Variants in CDH13 observed in about 807,000 individuals in gnomAD.
The protein encoded by CDH13 is cadherin-13.
Under a neutral mutation model 63.8 loss-of-function variants are expected in CDH13, and 24 were observed. The observed-to-expected ratio is 0.38, with a 90% CI of 0.27 to 0.53. The LOEUF (loss-of-function observed/expected upper bound fraction) is 0.53. Ranked by LOEUF, CDH13 falls within the 20% of genes least tolerant of loss-of-function variation. The pLI is 0.85. For missense variants in CDH13, 1,049 were observed against 903.1 expected, an observed-to-expected ratio of 1.16 and a Z score of -2.07; for synonymous variants, 503 against 355.3, an observed-to-expected ratio of 1.42 and a Z score of -4.67.
rs1319332584 is a variant in CDH13, at chr16:83,798,096, G to T, written c.*3066G>T. On this transcript the variant is annotated 3_prime_UTR_variant, in exon 14 of 14. Transcript: ENST00000567109. ...AAGACTTTGGCTCTTAAAGAACATC[G>T]TTAGAAATTTTGATAGCTCATTCCA... 2 of 152,126 alleles carry T rather than the reference G, an allele frequency of 1.3e-5. No individual in the cohort carries two copies. Among genetic ancestry groups the T allele is most frequent in the African/African-American group, 4.8e-5 (2 of 41,420 alleles). 9.4% of individuals were successfully genotyped at this position (152,126 alleles called of 1,614,324 possible). A position where few individuals can be genotyped will look rare whatever the true frequency, so the allele number is the denominator to read the frequency against.
At chr16:82,808,013 G>C (rs754083131) in intron 1 of CDH13, among the ~76,000 whole-genome samples, 20 of 152,152 alleles carry the variant, frequency 1.3e-4, no homozygotes, top group Non-Finnish European at 2.2e-4. Context: ...CTCCAGCGCA[G>C]TTCTTACTGA....
At chr16:82,943,535 C>A (rs530002195) in intron 2 of CDH13, among the ~76,000 whole-genome samples, 5 of 152,262 alleles carry the variant, frequency 3.3e-5, no homozygotes, top group African/African-American at 1.2e-4. Flanking sequence ...GAAATAGGCC[C>A]TTTCTTCCTT....
At chr16:83,323,437 C>T (rs1360923188) in intron 5 of CDH13, among the ~76,000 whole-genome samples, 2 of 151,138 alleles carry the variant, frequency 1.3e-5, no homozygotes, top group Non-Finnish European at 2.9e-5. Context: ...CCTGCCACCA[C>T]ATCCGGCTAA....
intron 2 of CDH13, among the ~76,000 whole-genome samples, chr16:82,945,577 T>C (rs1035791090): frequency 6.6e-6 from 1 of 152,198 alleles, no homozygotes; most frequent in Non-Finnish European, 1.5e-5. Context: ...TCAAGGATTT[T>C]GTGTTTTTTT....
chr16:82,882,171 A>G (rs2151205958), intron 2 of CDH13, among the ~76,000 whole-genome samples: 1 of 152,266 alleles, frequency 6.6e-6, no homozygotes, highest in East Asian at 1.9e-4. Flanking sequence ...TCTTTTTATG[A>G]GTTACTGCCA....
At chr16:82,734,565 C>T (rs1244284227) in intron 1 of CDH13, among the ~76,000 whole-genome samples, 2 of 152,164 alleles carry the variant, frequency 1.3e-5, no homozygotes, top group African/African-American at 4.8e-5. Flanking sequence ...CTTTGTGATA[C>T]ATCCACTGTC....
chr16:82,790,953 GC>G (rs1408575567), intron 1 of CDH13, among the ~76,000 whole-genome samples: 1 of 152,176 alleles, frequency 6.6e-6, no homozygotes, highest in Admixed American at 6.5e-5. Context: ...GAATTCCTAA[GC>G]CAGCTGTGCC....
intron 4 of CDH13, among the ~76,000 whole-genome samples, chr16:83,159,265 C>G (rs966441015): frequency 1.3e-5 from 2 of 152,150 alleles, no homozygotes; most frequent in Admixed American, 6.5e-5. Flanking sequence ...TCCTGTGACT[C>G]TAGTTGAGTT....
intron 6 of CDH13, among the ~76,000 whole-genome samples, chr16:83,407,844 AC>A (rs1323371231): frequency 6.6e-6 from 1 of 152,208 alleles, no homozygotes; most frequent in Non-Finnish European, 1.5e-5. Flanking sequence ...TAATTGACTT[AC>A]AAATGCGTAA....
At chr16:82,915,843 G>A (rs1304074616) in intron 2 of CDH13, among the ~76,000 whole-genome samples, 1 of 148,756 alleles carries the variant, frequency 6.7e-6, no homozygotes, top group African/African-American at 2.5e-5. Context: ...TGCATTTTTT[G>A]GCATACTAGA....
chr16:82,995,226 T>G (rs1912070407), intron 2 of CDH13, among the ~76,000 whole-genome samples: 1 of 152,206 alleles, frequency 6.6e-6, no homozygotes, highest in Non-Finnish European at 1.5e-5. Context: ...GAACTCATAG[T>G]GAATCTCGCT....
At chr16:83,603,397 G>A (rs1248156941) in intron 8 of CDH13, among the ~76,000 whole-genome samples, 1 of 152,194 alleles carries the variant, frequency 6.6e-6, no homozygotes, top group East Asian at 1.9e-4. Context: ...CCTGAGATCT[G>A]TTGCCTGATT....
chr16:83,435,008 TAC>T (rs1025318658), intron 6 of CDH13, among the ~76,000 whole-genome samples: 3 of 148,164 alleles, frequency 2.0e-5, no homozygotes, highest in East Asian at 3.9e-4. Context: ...TGTATATATA[TAC>T]ACACACACAT....
chr16:83,077,413 G>A (rs533638346), intron 3 of CDH13, among the ~76,000 whole-genome samples: 3 of 151,532 alleles, frequency 2.0e-5, no homozygotes, highest in East Asian at 3.9e-4. Context: ...GGCTGGTCTC[G>A]AACTCCTGAC....
At chr16:82,969,519 C>G (rs1908382644) in intron 2 of CDH13, among the ~76,000 whole-genome samples, 1 of 137,554 alleles carries the variant, frequency 7.3e-6, no homozygotes, top group Admixed American at 7.9e-5. Context: ...TAGCTTCTCT[C>G]TGGAAGAGTG....
intron 13 of CDH13, chr16:83,789,992 TAGG>T (rs1298507196): frequency 1.8e-4 from 27 of 151,612 alleles, no homozygotes; most frequent in African/African-American, 6.3e-4. Context: ...CAGTGTGATG[TAGG>T]AGAAGATAAT....
intron 5 of CDH13, among the ~76,000 whole-genome samples, chr16:83,323,578 G>C (rs542980934): frequency 1.4e-3 from 217 of 152,012 alleles, no homozygotes; most frequent in African/African-American, 5.1e-3. Context: ...ACCGCGCCTG[G>C]CCAAAGACCT....
intron 1 of CDH13, among the ~76,000 whole-genome samples, chr16:82,800,217 G>C (rs886628405): frequency 1.3e-5 from 2 of 152,128 alleles, no homozygotes; most frequent in African/African-American, 4.8e-5. Flanking sequence ...CATATTTTGA[G>C]ATTATGACAA....
chr16:83,012,102 G>A (rs1462054058), intron 2 of CDH13, among the ~76,000 whole-genome samples: 1 of 152,072 alleles, frequency 6.6e-6, no homozygotes, highest in Non-Finnish European at 1.5e-5. Flanking sequence ...GTGATACACT[G>A]GCTTAAAAAA....
Sources: gnomAD v4.1 joint callset for allele counts (sites outside exome capture counted in the v4.1 genomes callset) on GRCh38, gnomAD v4.1.1 for gene constraint, MANE v1.5 for transcripts, NCBI Gene and HGNC (gene_info 2026-07-23, HGNC 2026-07-21) for gene names.